The following GSG1L variants were observed in gnomAD, a reference collection of about 807,000 sequenced individuals.
The protein encoded by GSG1L is germ cell-specific gene 1-like protein.
Under a neutral mutation model 42.1 loss-of-function variants are expected in GSG1L, and 24 were observed. That is an observed-to-expected ratio of 0.57 (90% confidence interval 0.41 to 0.80). The LOEUF (loss-of-function observed/expected upper bound fraction) is 0.80. GSG1L is among the 30% of genes least tolerant of loss of function. GSG1L has a pLI of 0.00. For missense variants in GSG1L, 445 were observed against 472.2 expected (o/e 0.94, Z 0.53); for synonymous variants, 215 against 203.5 (o/e 1.06, Z -0.48).
chr16:27,893,665 T>C (rs2084156637), intron 2 of GSG1L, among the ~76,000 whole-genome samples: 1 of 152,100 alleles, frequency 6.6e-6, no homozygotes, highest in East Asian at 1.9e-4. Flanking sequence ...TCACTGCAGC[T>C]TCAACCCAGG....
At chr16:27,975,410 C>T (rs774065420) in intron 1 of GSG1L, among the ~76,000 whole-genome samples, 16 of 152,120 alleles carry the variant, frequency 1.1e-4, no homozygotes, top group Admixed American at 4.6e-4. Flanking sequence ...CCCTCCTCAC[C>T]GCATCATGCT....
At position 27,933,097 on chromosome 16, in the gene GSG1L, G is replaced by A. The variant is rs988338029; in HGVS notation, c.397+30059C>T. Among the ~76,000 whole-genome samples, 4 of 151,718 alleles carry A rather than the reference G, an allele frequency of 2.6e-5. 1 individual carries two copies. The highest frequency in any genetic ancestry group is 2.0e-4 in the Admixed American group (3 of 15,260). On this transcript the variant is annotated intron_variant, in intron 2 of 6. Coordinates refer to ENST00000447459, the MANE Select transcript of GSG1L (RefSeq NM_001109763.2). ...AATACATGCAAAAGGGGGCACCTTT[G>A]TAAAAACACATACAAGCAGAAATAC...
chr16:27,884,762 G>A lies in GSG1L; in HGVS notation c.398-124C>T. On this transcript the variant is annotated intron_variant, in intron 2 of 6. Coordinates refer to ENST00000447459, the MANE Select transcript of GSG1L (RefSeq NM_001109763.2). The surrounding 1 kb of genome is among the most constrained non-coding windows in gnomAD (Gnocchi z 4.4). ...TTCTAGAATAGAACCTGGTTCTGGG[G>A]GAGGTCCTGATGGAAGCCTGTCATG... The A allele has an allele frequency of 2.0e-6, 2 of 983,678 alleles. No homozygotes were observed. The highest frequency in any genetic ancestry group is 2.9e-6 in the Non-Finnish European group (2 of 688,810). The allele number at this position is 983,678 out of a possible 1,614,324, so 60.9% of individuals were successfully genotyped here.
At chr16:27,987,807 C>T (rs1405960338) in intron 1 of GSG1L, among the ~76,000 whole-genome samples, 3 of 152,114 alleles carry the variant, frequency 2.0e-5, no homozygotes, top group African/African-American at 7.2e-5. Context: ...ACTAGCCGAG[C>T]GTGGTGGCGC....
intron 3 of GSG1L, among the ~76,000 whole-genome samples, chr16:27,853,541 T>C (rs1459772320): frequency 6.6e-6 from 1 of 152,162 alleles, no homozygotes; most frequent in African/African-American, 2.4e-5. Context: ...GGGTCAGCAA[T>C]TACTGAGGTG....
intron 1 of GSG1L, among the ~76,000 whole-genome samples, chr16:28,015,517 AC>A (rs1160672727): frequency 2.0e-5 from 3 of 152,216 alleles, no homozygotes; most frequent in Admixed American, 6.5e-5. Flanking sequence ...AAAATAAAGG[AC>A]CATGGATTTG....
chr16:28,033,906 GA>G (rs1218234082), intron 1 of GSG1L, among the ~76,000 whole-genome samples: 5 of 152,146 alleles, frequency 3.3e-5, no homozygotes, highest in African/African-American at 1.2e-4. Context: ...AATTGTTGAA[GA>G]GAGAAGTTCC....
intron 3 of GSG1L, among the ~76,000 whole-genome samples, chr16:27,851,949 C>G (rs2140990746): frequency 6.6e-6 from 1 of 152,312 alleles, no homozygotes; most frequent in South Asian, 2.1e-4. Context: ...TGGAGCTACC[C>G]CTGGGTGAGG....
intron 1 of GSG1L, among the ~76,000 whole-genome samples, chr16:28,046,692 C>T (rs1040757942): frequency 4.6e-5 from 7 of 152,238 alleles, no homozygotes; most frequent in African/African-American, 1.7e-4. Flanking sequence ...CTTCCACTCC[C>T]GCATCACCGC....
intron 1 of GSG1L, among the ~76,000 whole-genome samples, chr16:27,968,416 G>GT (rs1256064535): frequency 2.6e-5 from 4 of 151,746 alleles, no homozygotes; most frequent in South Asian, 2.1e-4. Flanking sequence ...CATCTGGCTA[G>GT]TTTTTTTTAT....
intron 5 of GSG1L, among the ~76,000 whole-genome samples, chr16:27,825,783 C>A (rs1321048262): frequency 6.6e-6 from 1 of 152,136 alleles, no homozygotes; most frequent in Admixed American, 6.5e-5. Context: ...ATAGGGAGTT[C>A]TCATGAGATC....
At chr16:27,866,252 T>G (rs1428455106) in intron 3 of GSG1L, among the ~76,000 whole-genome samples, 4 of 152,180 alleles carry the variant, frequency 2.6e-5, no homozygotes, top group Admixed American at 2.6e-4. Flanking sequence ...AGTGTCACTG[T>G]AATACCAAAT....
chr16:27,808,124 G>T (rs191151403), intron 5 of GSG1L, among the ~76,000 whole-genome samples: 2 of 149,452 alleles, frequency 1.3e-5, no homozygotes, highest in Non-Finnish European at 3.0e-5. Context: ...TCACTCTGTC[G>T]CCCAGGCTGG....
At chr16:28,014,939 G>T (rs1210282041) in intron 1 of GSG1L, among the ~76,000 whole-genome samples, 1 of 152,154 alleles carries the variant, frequency 6.6e-6, no homozygotes, top group Non-Finnish European at 1.5e-5. Context: ...TACTAACCTG[G>T]CCCCTGCCCT....
chr16:27,961,150 C>T lies in GSG1L; in HGVS notation c.397+2006G>A, dbSNP rs185463167. On this transcript the variant is annotated intron_variant, in intron 2 of 6. Coordinates refer to ENST00000447459, the MANE Select transcript of GSG1L (RefSeq NM_001109763.2). Reference sequence around the variant, plus strand: ...CATGGCACCTGCACTTACATGTGCACGCATGTGTACACGCCTCCATGCCCA... The same window carrying T: ...CATGGCACCTGCACTTACATGTGCATGCATGTGTACACGCCTCCATGCCCA... Among the ~76,000 whole-genome samples the T allele has an allele frequency of 3.3e-4, 51 of 152,364 alleles. No individual in the cohort carries two copies. The Middle Eastern group carries it at 0.01, about 30-fold the overall frequency.
intron 1 of GSG1L, among the ~76,000 whole-genome samples, chr16:28,062,024 T>G (rs566416709): frequency 6.6e-6 from 1 of 152,322 alleles, no homozygotes; most frequent in East Asian, 1.9e-4. Flanking sequence ...AACCCACCCT[T>G]GAGCACACAC....
At chr16:27,905,319 CT>C (rs539377057) in intron 2 of GSG1L, among the ~76,000 whole-genome samples, 1,549 of 132,578 alleles carry the variant, frequency 0.012, 27 homozygotes, top group East Asian at 0.1. Context: ...ATGCCAGAAT[CT>C]TTTTTTTTTT....
intron 3 of GSG1L, among the ~76,000 whole-genome samples, chr16:27,848,267 C>T (rs1424440317): frequency 7.9e-5 from 12 of 152,314 alleles, no homozygotes; most frequent in South Asian, 2.1e-4. Flanking sequence ...GAATCCCCAG[C>T]GCCAAGCCCA....
chr16:27,974,593 C>G (rs774251309), intron 1 of GSG1L, among the ~76,000 whole-genome samples: 19 of 152,220 alleles, frequency 1.2e-4, no homozygotes, highest in African/African-American at 1.4e-4. Context: ...TGTTCATACC[C>G]ACCATAGCCT....
Sources: allele counts gnomAD v4.1 joint callset (sites outside exome capture counted in the v4.1 genomes callset), GRCh38; gene constraint gnomAD v4.1.1; non-coding constraint Gnocchi (gnomAD v3.1); transcripts MANE v1.5; gene names NCBI Gene and HGNC (gene_info 2026-07-23, HGNC 2026-07-21).